NCKAP5L: variants seen among roughly 807,000 people sequenced by gnomAD.
NCKAP5L encodes the protein NCK associated protein 5 like.
NCKAP5L carries 54 observed loss-of-function variants against 103.2 expected under a neutral mutation model. The observed-to-expected ratio is 0.52, with a 90% CI of 0.42 to 0.66. The LOEUF (loss-of-function observed/expected upper bound fraction) is 0.66, where lower values mean the gene tolerates loss of function less well. Ranked by LOEUF, NCKAP5L falls within the 30% of genes least tolerant of loss-of-function variation. NCKAP5L has a pLI of 0.00. For missense variants in NCKAP5L, 1,733 were observed against 1,750.6 expected, an observed-to-expected ratio of 0.99 and a Z score of 0.18; for synonymous variants, 762 against 748.6, an observed-to-expected ratio of 1.02 and a Z score of -0.29.
At position 49,792,137 on chromosome 12, in the gene NCKAP5L, T is replaced by C; in HGVS notation, c.3793-86A>G. The C allele has an allele frequency of 8.0e-7, 1 of 1,251,918 alleles. No homozygotes were observed. The highest frequency in any genetic ancestry group is 1.1e-6 in the Non-Finnish European group (1 of 917,606). 77.6% of individuals were successfully genotyped at this position (1,251,918 alleles called of 1,614,324 possible). ...GGCACTGAGCTCTGAGGGGCGTCTG[T>C]GCACCTGATGGGGGGCTGCTCCAGA... On this transcript the variant is annotated intron_variant, in intron 12 of 12. Transcript: ENST00000335999. The surrounding 1 kb of genome is among the most constrained non-coding windows in gnomAD (Gnocchi z 4.5).
Position 49,792,261 on chromosome 12 carries a change from C to G in NCKAP5L, c.3792+185G>C. The G allele has an allele frequency of 7.9e-7, 1 of 1,271,666 alleles. No homozygotes were observed. The highest frequency in any genetic ancestry group is 1.1e-6 in the Non-Finnish European group (1 of 906,098). 78.8% of individuals were successfully genotyped at this position (1,271,666 alleles called of 1,614,324 possible). A position where few individuals can be genotyped will look rare whatever the true frequency, so the allele number is the denominator to read the frequency against. On this transcript the variant is annotated intron_variant, in intron 12 of 12. Coordinates refer to ENST00000335999, the MANE Select transcript of NCKAP5L (RefSeq NM_001037806.4). This position sits in a 1 kb window ranked among gnomAD's most constrained non-coding sequence, Gnocchi z 4.5. The stretch of plus-strand genomic sequence containing the variant: ...GGGGAGGGACAGAAACCTTTCCCCA[C>G]GAGAGAAGTGCAAGGAGGGCAGTGG...
intron 6 of NCKAP5L, among the ~76,000 whole-genome samples, chr12:49,800,321 C>T (rs867023977): frequency 6.6e-6 from 1 of 152,242 alleles, no homozygotes; most frequent in Non-Finnish European, 1.5e-5. Flanking sequence ...TGTGGCATGG[C>T]GTCTCTACCT....
chr12:49,821,404 C>A (rs1253165421), intron 1 of NCKAP5L, among the ~76,000 whole-genome samples: 2 of 152,204 alleles, frequency 1.3e-5, no homozygotes, highest in Non-Finnish European at 2.9e-5. Context: ...AAGGGGGTCT[C>A]CTGTCTTGGA....
chr12:49,797,525 A>C lies in NCKAP5L; in HGVS notation c.466-131T>G. On this transcript the variant is annotated intron_variant, in intron 7 of 12. Coordinates refer to ENST00000335999, the MANE Select transcript of NCKAP5L (RefSeq NM_001037806.4). This position sits in a 1 kb window ranked among gnomAD's most constrained non-coding sequence, Gnocchi z 4.5. Reference sequence around the variant, plus strand: ...GGCCTGGTTGTGTCTGTGTCCCCAAAAGGAATTAACAGCAACTGGGATATG... The same window carrying C: ...GGCCTGGTTGTGTCTGTGTCCCCAACAGGAATTAACAGCAACTGGGATATG... The C allele has an allele frequency of 1.5e-6, 1 of 685,406 alleles. No individual in the cohort carries two copies. The highest frequency in any genetic ancestry group is 2.4e-6 in the Non-Finnish European group (1 of 412,440). The allele number at this position is 685,406 out of a possible 1,614,324, so 42.5% of individuals were successfully genotyped here. A position where few individuals can be genotyped will look rare whatever the true frequency, so the allele number is the denominator to read the frequency against.
At chr12:49,803,307 T>C (rs2137013632) in intron 3 of NCKAP5L, 142 bp from the exon 4 acceptor site, 1 of 790,410 alleles carries the variant, frequency 1.3e-6, no homozygotes, top group South Asian at 1.7e-5. Context: ...GTGAGCAGAT[T>C]CTCATATGAG....
chr12:49,825,985 A>C (rs1163498052), intron 1 of NCKAP5L, among the ~76,000 whole-genome samples: 3 of 150,052 alleles, frequency 2.0e-5, no homozygotes, highest in African/African-American at 7.3e-5. Context: ...TGGGGAGGGA[A>C]GGGGCTGGGA....
intron 1 of NCKAP5L, among the ~76,000 whole-genome samples, chr12:49,813,029 T>A (rs540420394): frequency 1.3e-5 from 2 of 152,334 alleles, no homozygotes; most frequent in South Asian, 4.1e-4. Context: ...TTGTATTATT[T>A]TTATTTTATT....
intron 1 of NCKAP5L, among the ~76,000 whole-genome samples, 165 bp downstream of exon 1, chr12:49,828,157 C>G (rs1425741175): frequency 1.3e-5 from 2 of 149,144 alleles, no homozygotes; most frequent in African/African-American, 2.5e-5. Flanking sequence ...GAGGGAGGGA[C>G]GGAGGGGCGG....
chr12:49,791,312 AAC>A lies in NCKAP5L; in HGVS notation c.*525_*526del, dbSNP rs1945930825. 1 of 153,330 alleles carries A rather than the reference AAC, an allele frequency of 6.5e-6. No homozygotes were observed. Among genetic ancestry groups the A allele is most frequent in the Non-Finnish European group, 1.5e-5 (1 of 68,932 alleles). 9.5% of individuals were successfully genotyped at this position (153,330 alleles called of 1,614,324 possible). ...AAAACAACAACAAAAAAGACGGACG[AAC>A]AGACCCCAAAGGCATGGGGCAGAGG... On this transcript the variant is annotated 3_prime_UTR_variant, in exon 13 of 13. Transcript: ENST00000335999.
intron 1 of NCKAP5L, among the ~76,000 whole-genome samples, chr12:49,807,423 T>C (rs560820790): frequency 1.3e-5 from 2 of 152,322 alleles, no homozygotes; most frequent in African/African-American, 4.8e-5. Flanking sequence ...ACTGCATCCT[T>C]GGCCTCCTGG....
At position 49,795,156 on chromosome 12, in the gene NCKAP5L, C is replaced by T; in HGVS notation, c.2704G>A (p.Glu902Lys). 6.2e-7 allele frequency: 1 copy of T among 1,608,000 alleles called. No individual in the cohort carries two copies. The highest frequency in any genetic ancestry group is 1.3e-5 in the African/African-American group (1 of 74,520). The change falls in exon 8 of 13, where the codon GAG becomes AAG. Residue 902 changes from glutamate (E) to lysine (K), a missense_variant. Coordinates refer to ENST00000335999, the MANE Select transcript of NCKAP5L (RefSeq NM_001037806.4). Reference protein sequence around the residue: ...EENVLRLQGQERAPGAEVKHR... With the variant: ...EENVLRLQGQKRAPGAEVKHR... ...TTGACCTCGGCGCCAGGGGCTCGCT[C>T]CTGGCCCTGGAGCCGCAGCACGTTC...
Position 49,796,238 on chromosome 12 carries a change from G to T in NCKAP5L, c.1622C>A (p.Ala541Asp), listed in dbSNP as rs1317634607. 10 of 1,577,342 alleles carry T rather than the reference G, an allele frequency of 6.3e-6. No individual in the cohort carries two copies. The highest frequency in any genetic ancestry group is 8.6e-6 in the Non-Finnish European group (10 of 1,162,424). Residue 541 changes from alanine (A) to aspartate (D), a missense_variant, in exon 8 of 13, where the codon GCC (alanine) becomes GAC (aspartate). Physicochemically the swap from Ala to Asp is moderately radical, Grantham distance 126. Coordinates refer to ENST00000335999, the MANE Select transcript of NCKAP5L (RefSeq NM_001037806.4). Reference protein sequence around the residue: ...DSTQLRPPQSALSTTLSPGPV... With the variant: ...DSTQLRPPQSDLSTTLSPGPV... ...GCCTGGGGACAGCGTGGTGGACAAG[G>T]CTGACTGCGGGGGTCTGAGCTGTGT...
intron 1 of NCKAP5L, among the ~76,000 whole-genome samples, chr12:49,819,055 G>A (rs1449055653): frequency 1.3e-5 from 2 of 149,964 alleles, no homozygotes; most frequent in East Asian, 3.9e-4. Context: ...AAAAAAGGCC[G>A]GGTGCAGTGG....
intron 6 of NCKAP5L, among the ~76,000 whole-genome samples, chr12:49,799,778 C>A (rs538917238): frequency 2.8e-4 from 42 of 152,356 alleles, no homozygotes; most frequent in African/African-American, 9.9e-4. Flanking sequence ...TGTCCCTTCA[C>A]ACGTACTTTG....
intron 1 of NCKAP5L, among the ~76,000 whole-genome samples, chr12:49,825,897 A>G (rs1946411477): frequency 6.6e-6 from 1 of 152,166 alleles, no homozygotes; most frequent in South Asian, 2.1e-4. Flanking sequence ...ACAAACAAGA[A>G]GAACTTCAAG....
intron 1 of NCKAP5L, among the ~76,000 whole-genome samples, chr12:49,807,149 G>A (rs1946189465): frequency 6.6e-6 from 1 of 152,202 alleles, no homozygotes; most frequent in Admixed American, 6.5e-5. Context: ...CAGCCCCAGG[G>A]CCAGCCTTGC....
chr12:49,792,220 A>G lies in NCKAP5L; in HGVS notation c.3793-169T>C. The G allele has an allele frequency of 9.3e-7, 1 of 1,076,458 alleles. No homozygotes were observed. Among genetic ancestry groups the G allele is most frequent in the Non-Finnish European group, 1.4e-6 (1 of 732,186 alleles). 66.7% of individuals were successfully genotyped at this position (1,076,458 alleles called of 1,614,324 possible). A position where few individuals can be genotyped will look rare whatever the true frequency, so the allele number is the denominator to read the frequency against. ...ACAGGCTGGAGGTACAACTGAGAACAGTCCTACAAGGTTCTGGGGAGGGAC... is the reference window on the plus strand; with the variant it reads ...ACAGGCTGGAGGTACAACTGAGAACGGTCCTACAAGGTTCTGGGGAGGGAC... On this transcript the variant is annotated intron_variant, in intron 12 of 12. Coordinates refer to ENST00000335999, the MANE Select transcript of NCKAP5L (RefSeq NM_001037806.4). The surrounding 1 kb of genome is among the most constrained non-coding windows in gnomAD (Gnocchi z 4.5).
chr12:49,794,774 AGCT>A lies in NCKAP5L; in HGVS notation c.3083_3085del (p.Gln1028del). The A allele has an allele frequency of 6.6e-7, 1 of 1,521,154 alleles. No individual in the cohort carries two copies. Among genetic ancestry groups the A allele is most frequent in the Non-Finnish European group, 8.8e-7 (1 of 1,133,688 alleles). The allele number at this position is 1,521,154 out of a possible 1,614,324, so 94.2% of individuals were successfully genotyped here. ...GATCCCAGGACCTCACCTGTTTAGCAGCTGCTGCATGAAGGTGTCTGCACCTTG... is the reference window on the plus strand; with the variant it reads ...GATCCCAGGACCTCACCTGTTTAGCAGCTGCATGAAGGTGTCTGCACCTTG... On this transcript the variant is annotated inframe_deletion, in exon 8 of 13. Coordinates refer to ENST00000335999, the MANE Select transcript of NCKAP5L (RefSeq NM_001037806.4).
intron 1 of NCKAP5L, among the ~76,000 whole-genome samples, chr12:49,815,190 T>C (rs1479805405): frequency 6.6e-6 from 1 of 152,254 alleles, no homozygotes; most frequent in Non-Finnish European, 1.5e-5. Flanking sequence ...CTTTGGACTA[T>C]GTAAATATCC....
Sources: gnomAD v4.1 joint callset for allele counts (sites outside exome capture counted in the v4.1 genomes callset) on GRCh38, gnomAD v4.1.1 for gene constraint, Gnocchi (gnomAD v3.1) non-coding constraint, MANE v1.5 for transcripts, NCBI Gene and HGNC (gene_info 2026-07-23, HGNC 2026-07-21) for gene names.